The following DTNBP1 variants were observed in gnomAD, a reference collection of about 807,000 sequenced individuals.
The protein encoded by DTNBP1 is dystrobrevin binding protein 1, also known as dysbindin.
In DTNBP1, 35 loss-of-function variants were observed where a neutral mutation model predicts 42.8. The ratio of observed to expected loss-of-function variants is 0.82; its 90% CI spans 0.63 to 1.09. The LOEUF is 1.09. DTNBP1 is among the 50% of genes least tolerant of loss of function. The probability of loss-of-function intolerance (pLI) is 0.00; values close to 1 mark genes in which losing one functional copy is unlikely to be tolerated. For missense variants in DTNBP1, 457 were observed against 424.2 expected (o/e 1.08, Z -0.68); for synonymous variants, 171 against 162.2 (o/e 1.05, Z -0.41).
intron 7 of DTNBP1, among the ~76,000 whole-genome samples, chr6:15,547,292 C>T (rs530069186): frequency 3.3e-5 from 5 of 152,284 alleles, no homozygotes; most frequent in African/African-American, 1.2e-4. Flanking sequence ...GCATCAAAAT[C>T]ACCTACAGGA....
intron 7 of DTNBP1, among the ~76,000 whole-genome samples, chr6:15,560,624 G>C (rs1200297638): frequency 6.6e-6 from 1 of 152,246 alleles, no homozygotes; most frequent in African/African-American, 2.4e-5. Context: ...AGGAATCAAA[G>C]TTGACTTACA....
At chr6:15,636,841 G>T (rs1192184448) in intron 4 of DTNBP1, among the ~76,000 whole-genome samples, 1 of 151,982 alleles carries the variant, frequency 6.6e-6, no homozygotes, top group Non-Finnish European at 1.5e-5. Flanking sequence ...GTTTTGTTGT[G>T]TTGTTGTTGT....
intron 5 of DTNBP1, among the ~76,000 whole-genome samples, chr6:15,620,350 C>T (rs540502888): frequency 1.1e-4 from 16 of 152,054 alleles, no homozygotes; most frequent in African/African-American, 3.6e-4. Flanking sequence ...TGATGTACTG[C>T]CATTTATATA....
At chr6:15,549,241 C>T (rs1039208674) in intron 7 of DTNBP1, among the ~76,000 whole-genome samples, 1 of 152,108 alleles carries the variant, frequency 6.6e-6, no homozygotes, top group Non-Finnish European at 1.5e-5. Flanking sequence ...AATCCGAGCA[C>T]TTTGGGAGGC....
At chr6:15,576,412 C>T (rs967818245) in intron 7 of DTNBP1, among the ~76,000 whole-genome samples, 9 of 151,456 alleles carry the variant, frequency 5.9e-5, no homozygotes, top group African/African-American at 1.9e-4. Flanking sequence ...CATGAGCCAC[C>T]GTGCCCGGCC....
chr6:15,595,229 A>G (rs981886287), intron 6 of DTNBP1: 1 of 454,592 alleles, frequency 2.2e-6, no homozygotes, highest in South Asian at 1.6e-5. Flanking sequence ...TGGTTTAAAG[A>G]AAAAAATCAG....
At chr6:15,577,242 C>A (rs1038679040) in intron 7 of DTNBP1, among the ~76,000 whole-genome samples, 2 of 152,212 alleles carry the variant, frequency 1.3e-5, no homozygotes, top group Admixed American at 6.5e-5. Context: ...GAGCAAAGGG[C>A]TGGGCCCTGC....
chr6:15,649,926 A>G (rs1760889853), intron 3 of DTNBP1, among the ~76,000 whole-genome samples: 1 of 152,236 alleles, frequency 6.6e-6, no homozygotes, highest in Non-Finnish European at 1.5e-5. Context: ...AAAAATAAAG[A>G]TAAAATGTAA....
intron 3 of DTNBP1, among the ~76,000 whole-genome samples, chr6:15,646,065 C>T (rs1294796064): frequency 6.6e-6 from 1 of 151,956 alleles, no homozygotes; most frequent in East Asian, 1.9e-4. Flanking sequence ...CCAAAAGACT[C>T]ATAGACCTGA....
intron 7 of DTNBP1, among the ~76,000 whole-genome samples, chr6:15,558,025 TATATAA>T (rs1179220598): frequency 1.3e-5 from 2 of 151,910 alleles, no homozygotes; most frequent in African/African-American, 2.4e-5. Context: ...GGGTTGTATC[TATATAA>T]ATATATTATT....
chr6:15,627,763 G>C (rs1562000316), intron 4 of DTNBP1, among the ~76,000 whole-genome samples: 1 of 147,490 alleles, frequency 6.8e-6, no homozygotes, highest in African/African-American at 2.5e-5. Flanking sequence ...GTTTTAAGCA[G>C]ACCATGTATT....
chr6:15,549,159 A>C (rs1408680574), intron 7 of DTNBP1, among the ~76,000 whole-genome samples: 2 of 152,158 alleles, frequency 1.3e-5, no homozygotes, highest in East Asian at 1.9e-4. Flanking sequence ...TGAGCATTAC[A>C]ATCAGAAAAA....
chr6:15,524,053 G>A (rs965071067), intron 9 of DTNBP1: 8 of 1,298,598 alleles, frequency 6.2e-6, no homozygotes, highest in Middle Eastern at 3.2e-4. Flanking sequence ...AGGGATGAAA[G>A]GAACTGAAGT....
chr6:15,654,549 A>T (rs986012578), intron 1 of DTNBP1, among the ~76,000 whole-genome samples: 2 of 152,300 alleles, frequency 1.3e-5, no homozygotes, highest in Non-Finnish European at 1.5e-5. Context: ...TATTTCTAAA[A>T]CAAACTTTTA....
At chr6:15,545,375 T>C (rs1773809062) in intron 7 of DTNBP1, among the ~76,000 whole-genome samples, 1 of 152,242 alleles carries the variant, frequency 6.6e-6, no homozygotes, top group Non-Finnish European at 1.5e-5. Flanking sequence ...TATAGAACAT[T>C]ATTCCTCAGA....
chr6:15,590,725 C>T (rs749434340), intron 7 of DTNBP1, among the ~76,000 whole-genome samples: 3 of 152,274 alleles, frequency 2.0e-5, no homozygotes, highest in Non-Finnish European at 2.9e-5. Context: ...AGAACAACAA[C>T]TGGTTTCAAT....
At chr6:15,571,544 T>C (rs536342705) in intron 7 of DTNBP1, among the ~76,000 whole-genome samples, 52 of 152,350 alleles carry the variant, frequency 3.4e-4, no homozygotes, top group Non-Finnish European at 7.1e-4. Flanking sequence ...TTTTGCAAGA[T>C]ACTTGTATAT....
At chr6:15,663,034 C>T, upstream of DTNBP1, 2 of 922,200 alleles carry the variant, frequency 2.2e-6, no homozygotes, top group South Asian at 1.9e-5. Flanking sequence ...ACCCCAGCCC[C>T]TTCCGCGTTC....
intron 4 of DTNBP1, among the ~76,000 whole-genome samples, chr6:15,629,580 T>G (rs1279416896): frequency 1.3e-5 from 2 of 152,116 alleles, no homozygotes; most frequent in South Asian, 2.1e-4. Flanking sequence ...GGTAAACAGA[T>G]TCTCAGAAAT....
Sources: allele counts gnomAD v4.1 joint callset (sites outside exome capture counted in the v4.1 genomes callset), GRCh38; gene constraint gnomAD v4.1.1; transcripts MANE v1.5; gene names NCBI Gene and HGNC (gene_info 2026-07-23, HGNC 2026-07-21).